The following SLC4A2 variants were observed in gnomAD, a reference collection of about 807,000 sequenced individuals.
The protein encoded by SLC4A2 is solute carrier family 4 member 2.
A neutral mutation model predicts 115.0 loss-of-function variants in SLC4A2; 36 were observed. That is an observed-to-expected ratio of 0.31 (90% confidence interval 0.24 to 0.41). The LOEUF is 0.41. Among genes scored for constraint, SLC4A2 ranks in the 10% least tolerant of loss-of-function variants. The pLI is 1.00. For missense variants in SLC4A2, 1,252 were observed against 1,705.6 expected (o/e 0.73, Z 4.68); for synonymous variants, 708 against 708.3 (o/e 1.00, Z 0.01).
chr7:151,072,266 C>T (rs910844712), intron 16 of SLC4A2, 130 bp downstream of exon 16: 7 of 686,912 alleles, frequency 1.0e-5, no homozygotes, highest in Non-Finnish European at 1.8e-5. Flanking sequence ...GTTGCCAACA[C>T]GTATACCAGG....
At chr7:151,073,224 T>C (rs1225312561) in intron 16 of SLC4A2, among the ~76,000 whole-genome samples, 1 of 151,998 alleles carries the variant, frequency 6.6e-6, no homozygotes, top group African/African-American at 2.4e-5. Context: ...GTTGGGGTTA[T>C]AGGCATGAGC....
At chr7:151,069,499 C>T (rs950573150) in intron 8 of SLC4A2, among the ~76,000 whole-genome samples, 13 of 152,134 alleles carry the variant, frequency 8.5e-5, no homozygotes, top group Admixed American at 2.6e-4. Context: ...GCCACACGGA[C>T]GAGGCTGCAG....
rs560281941 is a variant in SLC4A2 at position 151,064,101 on chromosome 7, C to T, written c.52-101C>T. 122 of 1,204,882 alleles carry T rather than the reference C, an allele frequency of 1.0e-4. No homozygotes were observed. The African/African-American group carries it at 1.3e-3, about 13-fold the overall frequency. 74.6% of individuals were successfully genotyped at this position (1,204,882 alleles called of 1,614,324 possible). On this transcript the variant is annotated intron_variant, in intron 2 of 22. Coordinates refer to ENST00000413384, the MANE Select transcript of SLC4A2 (RefSeq NM_003040.4). ...CAGCATTAGAGGAGATAGCTGCTGG[C>T]GGGGGAGGGTTCCTGGGTCTCTGGC...
Position 151,071,719 on chromosome 7 carries a change from C to T in SLC4A2, c.2222C>T (p.Ser741Leu). The part of the protein sequence containing the change: ...GEKTQDLIGV[S>L]ELIMSTALQG... ...AAGACGCAGGACCTGATAGGGGTGTCGGAGCTGATTATGTCCACAGCGCTC... is the reference window on the plus strand; with the variant it reads ...AAGACGCAGGACCTGATAGGGGTGTTGGAGCTGATTATGTCCACAGCGCTC... Residue 741 changes from serine to leucine, a missense_variant, in exon 15 of 23, where the codon TCG becomes TTG. Physicochemically the swap from Ser to Leu is moderately radical, Grantham distance 145. Around this residue, in one of 14 missense-constraint regions of SLC4A2, gnomAD observed 118 missense variants for 203.3 expected, o/e 0.58. Coordinates refer to ENST00000413384, the MANE Select transcript of SLC4A2 (RefSeq NM_003040.4). This position sits in a 1 kb window ranked among gnomAD's most constrained non-coding sequence, Gnocchi z 5.5. 2.5e-6 allele frequency: 4 copies of T among 1,610,708 alleles called. No individual in the cohort carries two copies. Among genetic ancestry groups the T allele is most frequent in the Non-Finnish European group, 3.4e-6 (4 of 1,178,184 alleles).
chr7:151,069,813 G>A (rs1797367452), intron 8 of SLC4A2, 134 bp from the exon 9 acceptor site: 16 of 1,003,426 alleles, frequency 1.6e-5, no homozygotes, highest in South Asian at 2.8e-5. Flanking sequence ...ACTCGAGCCC[G>A]CGTCCTTCAT....
At chr7:151,075,112 C>T (rs769220956) in intron 19 of SLC4A2, 143 bp from the exon 20 acceptor site, 5 of 1,229,708 alleles carry the variant, frequency 4.1e-6, no homozygotes, top group Admixed American at 2.0e-5. Flanking sequence ...TGCTCTGTAA[C>T]GGAATTTGAA....
At chr7:151,067,361 C>T (rs1797270566) in intron 7 of SLC4A2, among the ~76,000 whole-genome samples, 1 of 152,216 alleles carries the variant, frequency 6.6e-6, no homozygotes, top group East Asian at 1.9e-4. Flanking sequence ...GCTAGGATTA[C>T]AGGCATGAGC....
Position 151,075,250 on chromosome 7 carries a change from C to G in SLC4A2, c.3048-5C>G, listed in dbSNP as rs372867096. 10 of 1,612,424 alleles carry G rather than the reference C, an allele frequency of 6.2e-6. No individual in the cohort carries two copies. In the African/African-American group the frequency reaches 1.1e-4, roughly 17 times the overall value. On this transcript the variant is annotated splice_polypyrimidine_tract_variant and splice_region_variant and intron_variant, in intron 19 of 22. Transcript: ENST00000413384. ...GGGCCTCAGCAGCACCCCTCCCGCT[C>G]TCAGGCTCATCATCTCCAAGAAGGA...
In SLC4A2 at chr7:151,062,976, C is replaced by T; in HGVS notation, c.51+938C>T. ...CACCGCTATGGAGGGGGCTGCATAC[C>T]CCCGCCCTTGGAGATCCCGATGCCC... On this transcript the variant is annotated intron_variant, in intron 2 of 22. Transcript: ENST00000413384. The T allele has an allele frequency of 7.8e-6, 11 of 1,416,540 alleles. No individual in the cohort carries two copies. In the African/African-American group the frequency reaches 8.9e-5, roughly 11 times the overall value. 87.7% of individuals were successfully genotyped at this position (1,416,540 alleles called of 1,614,324 possible). A position where few individuals can be genotyped will look rare whatever the true frequency, so the allele number is the denominator to read the frequency against.
At chr7:151,061,524 G>T in intron 1 of SLC4A2, 1 of 166,346 alleles carries the variant, frequency 6.0e-6, no homozygotes. Flanking sequence ...CACCTCTGGT[G>T]GGTGCCCTGA....
In SLC4A2 at chr7:151,064,596, C is replaced by T. The variant is rs1368088594; in HGVS notation, c.288C>T (p.Arg96=). 4 of 1,613,062 alleles carry T rather than the reference C, an allele frequency of 2.5e-6. No individual in the cohort carries two copies. Among genetic ancestry groups the T allele is most frequent in the Middle Eastern group, 1.9e-4 (1 of 5,398 alleles). ...ACCTGCCTCCGGATGCACGCCGCCG[C>T]AAGACACCCCAGGGCCCAGGACGGA... ...STHLPPDARR[R]KTPQGPGRKP... The change falls in exon 4 of 23, where the codon CGC becomes CGT. Residue 96 remains arginine, a synonymous_variant. Transcript: ENST00000413384.
chr7:151,069,159 A>AAAG (rs1554451788), intron 8 of SLC4A2, among the ~76,000 whole-genome samples: 1 of 147,950 alleles, frequency 6.8e-6, no homozygotes, highest in African/African-American at 2.5e-5. Context: ...AAAAAAAAAA[A>AAAG]GCAGCTGAGG....
At chr7:151,066,371 C>G (rs33992858) in intron 5 of SLC4A2, 146 bp from the exon 6 acceptor site, 528,187 of 935,242 alleles carry the variant, frequency 0.56, 153,033 homozygotes, top group East Asian at 0.74. Flanking sequence ...AATCCTCCCC[C>G]TCCCCGTGCC....
chr7:151,067,767 T>A (rs990091432), intron 7 of SLC4A2, 107 bp from the exon 8 acceptor site: 2 of 893,416 alleles, frequency 2.2e-6, no homozygotes, highest in Admixed American at 2.5e-5. Context: ...ACTGTGCTCG[T>A]GCTCTCCAGG....
intron 18 of SLC4A2, 41 bp downstream of exon 18, chr7:151,074,529 C>T (rs1019252950): frequency 7.5e-6 from 12 of 1,604,786 alleles, no homozygotes; most frequent in Non-Finnish European, 1.0e-5. Flanking sequence ...GCTGCCTCTG[C>T]CACCCCGGGT....
intron 2 of SLC4A2, chr7:151,062,466 C>A: frequency 7.8e-7 from 1 of 1,275,202 alleles, no homozygotes; most frequent in Non-Finnish European, 1.0e-6. Context: ...TCCCTGCCCC[C>A]ACGTGGCCAC....
intron 2 of SLC4A2, chr7:151,063,245 G>C (rs1271175888): frequency 1.6e-6 from 2 of 1,236,450 alleles, no homozygotes; most frequent in Non-Finnish European, 2.1e-6. Context: ...CCCAGGGCTC[G>C]GGCCGGGGGC....
intron 5 of SLC4A2, among the ~76,000 whole-genome samples, chr7:151,065,876 G>T (rs1797211668): frequency 6.6e-6 from 1 of 152,148 alleles, no homozygotes; most frequent in Non-Finnish European, 1.5e-5. Context: ...GGGGGCTCTT[G>T]ATGTTGAGAG....
chr7:151,062,736 C>T, intron 2 of SLC4A2: 2 of 1,402,782 alleles, frequency 1.4e-6, no homozygotes, highest in Non-Finnish European at 1.9e-6. Context: ...CCTCGTCCCA[C>T]GGGGCTGCTT....
Sources: gnomAD v4.1 joint callset for allele counts (sites outside exome capture counted in the v4.1 genomes callset) on GRCh38, gnomAD v4.1.1 for gene constraint, gnomAD v4.1.1 regional missense constraint, Gnocchi (gnomAD v3.1) non-coding constraint, MANE v1.5 for transcripts, NCBI Gene and HGNC (gene_info 2026-07-23, HGNC 2026-07-21) for gene names.